EXD3: variants seen among roughly 807,000 people sequenced by gnomAD.
EXD3 encodes the protein exonuclease mut-7 homolog.
EXD3 carries 92 observed loss-of-function variants against 98.0 expected under a neutral mutation model. The ratio of observed to expected loss-of-function variants is 0.94; its 90% CI spans 0.79 to 1.12. EXD3 has a LOEUF of 1.12. EXD3 is among the 50% of genes most tolerant of loss of function. The probability of loss-of-function intolerance (pLI) is 0.00; values close to 1 mark genes in which losing one functional copy is unlikely to be tolerated. For synonymous variants in EXD3, 569 were observed against 526.0 expected, an observed-to-expected ratio of 1.08 and a Z score of -1.12; for missense variants, 1,222 against 1,191.6, an observed-to-expected ratio of 1.03 and a Z score of -0.38.
intron 19 of EXD3, among the ~76,000 whole-genome samples, chr9:137,314,668 C>T (rs1179896855): frequency 6.6e-6 from 1 of 152,152 alleles, no homozygotes; most frequent in Non-Finnish European, 1.5e-5. Context: ...CCTCCCCCAC[C>T]CAGCCGCTGC....
intron 19 of EXD3, among the ~76,000 whole-genome samples, chr9:137,318,314 G>T (rs1396055670): frequency 6.6e-6 from 1 of 152,090 alleles, no homozygotes; most frequent in East Asian, 1.9e-4. Flanking sequence ...CTGGGCCCCG[G>T]CTGCCGGCAC....
chr9:137,354,614 C>A, intron 9 of EXD3, 86 bp downstream of exon 9: 1 of 1,582,070 alleles, frequency 6.3e-7, no homozygotes. Context: ...TCTGTGCACC[C>A]TGCAGTGCGC....
intron 17 of EXD3, among the ~76,000 whole-genome samples, chr9:137,330,613 A>AGCTACACAGGACTACACAGGAG (rs549991151): frequency 1.3e-4 from 7 of 55,902 alleles, no homozygotes; most frequent in East Asian, 7.9e-4. Context: ...ACTACACAGG[A>AGCTACACAGGACTACACAGGAG]CTACACAGGA....
chr9:137,422,780 G>A (rs987228666), intron 1 of EXD3, among the ~76,000 whole-genome samples: 1 of 152,170 alleles, frequency 6.6e-6, no homozygotes, highest in Non-Finnish European at 1.5e-5. Context: ...CCTCCTCGGC[G>A]AGGGAGCGAA....
intron 19 of EXD3, among the ~76,000 whole-genome samples, chr9:137,318,476 C>T (rs932221804): frequency 3.3e-5 from 5 of 152,092 alleles, no homozygotes; most frequent in Non-Finnish European, 5.9e-5. Flanking sequence ...CTCAACCATG[C>T]TGGGGGGGTG....
chr9:137,362,574 T>C (rs908326643), intron 7 of EXD3, among the ~76,000 whole-genome samples: 4 of 151,970 alleles, frequency 2.6e-5, no homozygotes, highest in Admixed American at 6.6e-5. Context: ...CAGCTTACTG[T>C]AGCCTCGACC....
At chr9:137,317,333 T>C (rs1023759506) in intron 19 of EXD3, among the ~76,000 whole-genome samples, 1 of 152,156 alleles carries the variant, frequency 6.6e-6, no homozygotes, top group Admixed American at 6.5e-5. Flanking sequence ...CGGTCCCTCC[T>C]GCGTGCACCC....
intron 14 of EXD3, among the ~76,000 whole-genome samples, chr9:137,350,183 C>T (rs1334732604): frequency 4.9e-5 from 1 of 20,558 alleles, no homozygotes; most frequent in East Asian, 1.4e-3. Flanking sequence ...ATGGGGATCA[C>T]GGGGAAGGTT....
intron 10 of EXD3, chr9:137,353,151 G>T: frequency 1.0e-6 from 1 of 977,840 alleles, no homozygotes; most frequent in Non-Finnish European, 1.2e-6. Context: ...GGCCCTCCTG[G>T]CCTCCAAGCC....
rs1835358615 is a variant in EXD3 at position 137,368,002 on chromosome 9, A to G, written c.463-13T>C. 6.2e-7 allele frequency: 1 copy of G among 1,605,984 alleles called. No individual in the cohort carries two copies. Among genetic ancestry groups the G allele is most frequent in the Admixed American group, 1.7e-5 (1 of 59,756 alleles). Reference sequence around the variant, plus strand: ...CCAGCGTGGCTGCCTGGCAAACACAAAGGCGGCAGATTACTCAGGGCCTGG... The same window carrying G: ...CCAGCGTGGCTGCCTGGCAAACACAGAGGCGGCAGATTACTCAGGGCCTGG... On this transcript the variant is annotated splice_polypyrimidine_tract_variant and intron_variant, in intron 5 of 21. Coordinates refer to ENST00000340951, the MANE Select transcript of EXD3 (RefSeq NM_017820.5).
intron 1 of EXD3, among the ~76,000 whole-genome samples, chr9:137,414,467 A>G (rs960557286): frequency 2.6e-5 from 4 of 151,102 alleles, no homozygotes; most frequent in African/African-American, 7.3e-5. Flanking sequence ...CTGGGGACAC[A>G]CATTCCTAGG....
At chr9:137,313,731 G>C (rs983386249) in intron 19 of EXD3, among the ~76,000 whole-genome samples, 3 of 152,182 alleles carry the variant, frequency 2.0e-5, no homozygotes, top group African/African-American at 7.2e-5. Context: ...GGTCCAGGAG[G>C]AGTCAAGGCC....
chr9:137,307,111 G>A lies in EXD3; in HGVS notation c.2470C>T (p.Pro824Ser), dbSNP rs1377772820. The A allele has an allele frequency of 1.6e-5, 26 of 1,608,046 alleles. No homozygotes were observed. Among genetic ancestry groups the A allele is most frequent in the East Asian group, 2.2e-5 (1 of 44,664 alleles). The change falls in exon 22 of 22, where the codon CCT becomes TCT. Residue 824 changes from proline (P) to serine (S), a missense_variant. Pro to Ser is a moderately conservative substitution (Grantham distance 74, BLOSUM62 -1). Coordinates refer to ENST00000340951, the MANE Select transcript of EXD3 (RefSeq NM_017820.5). Reference protein sequence around the residue: ...AGVPVGVLRTPGLRCFYCCTG... With the variant: ...AGVPVGVLRTSGLRCFYCCTG... ...CAGCAGTAGAAGCACCGCAGCCCAG[G>A]TGTCCTCAGCACACCCACCGGGACC...
At chr9:137,394,141 CTCCATT>C in intron 2 of EXD3, among the ~76,000 whole-genome samples, 1 of 151,220 alleles carries the variant, frequency 6.6e-6, no homozygotes, top group Admixed American at 6.6e-5. Context: ...GCCTCCCAGC[CTCCATT>C]TCCCTAACCC....
At position 137,349,125 on chromosome 9, in the gene EXD3, C is replaced by A. The variant is rs751418325; in HGVS notation, c.1815G>T (p.Pro605=). Residue 605 remains proline (P), a synonymous_variant, in exon 16 of 22, where the codon CCG becomes CCT. Transcript: ENST00000340951. The surrounding 1 kb of genome is among the most constrained non-coding windows in gnomAD (Gnocchi z 7.4). ...CTTCACCCACCTGCCTGGGTGCGGC[C>A]GGTGCTGACGCTTTCTGCAGGCCGG... ...KPPGLQKASA[P]AAPRQVPVAV... The A allele has an allele frequency of 3.1e-6, 5 of 1,597,714 alleles. No homozygotes were observed. Among genetic ancestry groups the A allele is most frequent in the East Asian group, 2.2e-5 (1 of 44,788 alleles).
At chr9:137,308,157 G>A (rs561514253) in intron 20 of EXD3, among the ~76,000 whole-genome samples, 4 of 152,134 alleles carry the variant, frequency 2.6e-5, no homozygotes, top group Non-Finnish European at 5.9e-5. Flanking sequence ...AGGCAGGGCC[G>A]GTATCCACTC....
At chr9:137,422,765 C>T (rs1434482227) in intron 1 of EXD3, among the ~76,000 whole-genome samples, 1 of 152,148 alleles carries the variant, frequency 6.6e-6, no homozygotes, top group Non-Finnish European at 1.5e-5. Context: ...CCACCGGGAG[C>T]GCCTCCTCCT....
chr9:137,309,493 C>T (rs75592854), intron 20 of EXD3, 114 bp downstream of exon 20: 15,257 of 850,012 alleles, frequency 0.018, 554 homozygotes, highest in East Asian at 0.14. Context: ...CTGGCTGCCA[C>T]CCTTATCTGA....
intron 2 of EXD3, among the ~76,000 whole-genome samples, chr9:137,383,777 C>T (rs916150031): frequency 4.6e-5 from 7 of 152,344 alleles, no homozygotes; most frequent in Non-Finnish European, 8.8e-5. Flanking sequence ...CCTGGCACCA[C>T]GAGGACCCCA....
Sources: gnomAD v4.1 joint callset for allele counts (sites outside exome capture counted in the v4.1 genomes callset) on GRCh38, gnomAD v4.1.1 for gene constraint, Gnocchi (gnomAD v3.1) non-coding constraint, MANE v1.5 for transcripts, NCBI Gene and HGNC (gene_info 2026-07-23, HGNC 2026-07-21) for gene names.